The following C2CD3 variants were observed in gnomAD, a reference collection of about 807,000 sequenced individuals.
C2CD3 encodes the protein C2 domain containing 3 centriole elongation regulator.
A neutral mutation model predicts 234.0 loss-of-function variants in C2CD3; 148 were observed. The ratio of observed to expected loss-of-function variants is 0.63; its 90% CI spans 0.55 to 0.72. C2CD3 has a LOEUF of 0.72. Among genes scored for constraint, C2CD3 ranks in the 30% least tolerant of loss-of-function variants. The probability of loss-of-function intolerance (pLI) is 0.00; values close to 1 mark genes in which losing one functional copy is unlikely to be tolerated. For missense variants in C2CD3, 2,577 were observed against 2,811.5 expected, an observed-to-expected ratio of 0.92 and a Z score of 1.89; for synonymous variants, 1,000 against 1,035.4, an observed-to-expected ratio of 0.97 and a Z score of 0.66.
intron 19 of C2CD3, 46 bp from the exon 20 acceptor site, chr11:74,090,982 C>T (rs371416476): frequency 1.4e-5 from 23 of 1,603,592 alleles, no homozygotes; most frequent in African/African-American, 4.0e-5. Context: ...AGAAGAATCT[C>T]TGTTCCACCA....
At chr11:74,022,399 T>G (rs1012373515) in intron 32 of C2CD3, among the ~76,000 whole-genome samples, 3 of 151,552 alleles carry the variant, frequency 2.0e-5, no homozygotes, top group Admixed American at 2.0e-4. Flanking sequence ...TTGGACAGAG[T>G]GAATTGTTTG....
At position 74,139,649 on chromosome 11, in the gene C2CD3, A is replaced by G. The variant is rs767980892; in HGVS notation, c.663T>C (p.Asp221=). The stretch of plus-strand genomic sequence containing the variant: ...TGCTGTTGGCTGCTAACTCTTTTCC[A>G]TCAATTTTGATGGTATGTATGTCGC... ...RPRDIHTIKI[D]GKELAANSSR... Residue 221 remains aspartate (D), a synonymous_variant, in exon 4 of 33, where the codon GAT becomes GAC. Transcript: ENST00000334126. The G allele has an allele frequency of 1.9e-6, 3 of 1,613,802 alleles. No individual in the cohort carries two copies. The South Asian group carries it at 3.3e-5, about 18-fold the overall frequency.
chr11:74,150,546 T>G (rs199856269), intron 3 of C2CD3, among the ~76,000 whole-genome samples: 1 of 126,892 alleles, frequency 7.9e-6, no homozygotes, highest in Non-Finnish European at 1.6e-5. Flanking sequence ...TTTCTAAGCT[T>G]TTTAAAACAT....
At chr11:74,158,671 G>A (rs1394545992) in intron 3 of C2CD3, among the ~76,000 whole-genome samples, 8 of 151,420 alleles carry the variant, frequency 5.3e-5, no homozygotes, top group East Asian at 3.9e-4. Flanking sequence ...GTGGGGAGCC[G>A]AGATGGCGCC....
In C2CD3 at chr11:74,133,534, G is replaced by C; in HGVS notation, c.979C>G (p.Leu327Val). 1 of 1,614,084 alleles carries C rather than the reference G, an allele frequency of 6.2e-7. No individual in the cohort carries two copies. Among genetic ancestry groups the C allele is most frequent in the Non-Finnish European group, 8.5e-7 (1 of 1,179,984 alleles). Residue 327 changes from leucine to valine, a missense_variant, in exon 6 of 33, where the codon CTG (leucine) becomes GTG (valine). Transcript: ENST00000334126. ...LSALLEQGNKLRNAMVISAMK... is the reference protein window; with the variant it reads ...LSALLEQGNKVRNAMVISAMK... Reference sequence around the variant, plus strand: ...GCAGAAATCACCATGGCATTACGCAGTTTATTGCCTTGTTCTAACAGAGCT... The same window carrying C: ...GCAGAAATCACCATGGCATTACGCACTTTATTGCCTTGTTCTAACAGAGCT...
intron 3 of C2CD3, among the ~76,000 whole-genome samples, chr11:74,147,767 G>A: frequency 6.6e-6 from 1 of 152,146 alleles, no homozygotes; most frequent in East Asian, 1.9e-4. Context: ...TATTGGCAAG[G>A]AACTATCTGT....
intron 2 of C2CD3, among the ~76,000 whole-genome samples, chr11:74,166,766 G>A (rs1856841740): frequency 6.6e-6 from 1 of 152,040 alleles, no homozygotes; most frequent in Admixed American, 6.5e-5. Flanking sequence ...CTCTGTACAC[G>A]CTGCCTGAGT....
At chr11:74,032,571 T>C (rs1952566715) in intron 31 of C2CD3, among the ~76,000 whole-genome samples, 2 of 152,190 alleles carry the variant, frequency 1.3e-5, no homozygotes, top group African/African-American at 4.8e-5. Flanking sequence ...CACTTCCTTT[T>C]TTAAAAAAAT....
chr11:74,167,823 C>T (rs772122752), intron 2 of C2CD3, among the ~76,000 whole-genome samples: 2 of 152,348 alleles, frequency 1.3e-5, no homozygotes, highest in South Asian at 4.1e-4. Context: ...CATTTCTGAA[C>T]ATCTGTAATA....
intron 3 of C2CD3, among the ~76,000 whole-genome samples, chr11:74,155,139 T>C (rs1198805921): frequency 2.0e-5 from 3 of 152,212 alleles, no homozygotes; most frequent in Non-Finnish European, 4.4e-5. Context: ...TCTTTAATTA[T>C]AGCTTCTATT....
chr11:74,118,957 G>A (rs1957122802), intron 8 of C2CD3, among the ~76,000 whole-genome samples: 1 of 149,600 alleles, frequency 6.7e-6, no homozygotes, highest in South Asian at 2.1e-4. Context: ...GCCCAGACTG[G>A]AGTGCAGTGG....
At chr11:74,034,890 A>C (rs57102338) in intron 30 of C2CD3, among the ~76,000 whole-genome samples, 2,749 of 152,324 alleles carry the variant, frequency 0.018, 80 homozygotes, top group African/African-American at 0.063. Flanking sequence ...AGTGTAATCA[A>C]CACCACCCAC....
chr11:74,161,964 C>T (rs1590974247), intron 2 of C2CD3, among the ~76,000 whole-genome samples: 1 of 151,912 alleles, frequency 6.6e-6, no homozygotes, highest in African/African-American at 2.4e-5. Flanking sequence ...TAGAGGCACA[C>T]GCCACCACAC....
intron 31 of C2CD3, among the ~76,000 whole-genome samples, chr11:74,032,974 T>C (rs769760701): frequency 1.3e-5 from 2 of 152,048 alleles, no homozygotes; most frequent in South Asian, 2.1e-4. Flanking sequence ...AAAATGTACA[T>C]AAAGTGCTCA....
chr11:74,149,358 TA>T (rs11353762), intron 3 of C2CD3, among the ~76,000 whole-genome samples: 91,753 of 151,472 alleles, frequency 0.61, 29,857 homozygotes, highest in African/African-American at 0.87. Flanking sequence ...TTTGCTTAGT[TA>T]AAAAAAAAAT....
intron 8 of C2CD3, among the ~76,000 whole-genome samples, chr11:74,121,871 T>C (rs2135522692): frequency 6.6e-6 from 1 of 152,322 alleles, no homozygotes; most frequent in Non-Finnish European, 1.5e-5. Flanking sequence ...GTTCCTAATG[T>C]CTTTCCCGTC....
At chr11:74,053,263 C>T (rs1953779861) in intron 26 of C2CD3, among the ~76,000 whole-genome samples, 1 of 152,184 alleles carries the variant, frequency 6.6e-6, no homozygotes, top group Non-Finnish European at 1.5e-5. Context: ...TTGTAAAGTT[C>T]TTAGCACATT....
chr11:74,168,604 T>A lies in C2CD3; in HGVS notation c.65A>T (p.Asp22Val). 2 of 1,614,016 alleles carry A rather than the reference T, an allele frequency of 1.2e-6. No homozygotes were observed. The highest frequency in any genetic ancestry group is 1.7e-6 in the Non-Finnish European group (2 of 1,179,882). The change falls in exon 2 of 33, where the codon GAC (aspartate) becomes GTC (valine). Residue 22 changes from aspartate (D) to valine (V), a missense_variant. Asp to Val is a radical substitution (Grantham distance 152). Transcript: ENST00000334126. ...SRGRKKRGLS[D>V]ISPSTSLPPL... is the part of the protein sequence containing the mutation. The stretch of plus-strand genomic sequence containing the variant: ...TGGCAGGCTTGTAGATGGAGAAATG[T>A]CACTTAAACCTGTAGAGGAATCCAA...
chr11:74,025,970 G>A (rs940308837), intron 32 of C2CD3, among the ~76,000 whole-genome samples: 1 of 152,118 alleles, frequency 6.6e-6, no homozygotes, highest in African/African-American at 2.4e-5. Flanking sequence ...GAAATGCAAG[G>A]GAAAGCACAG....
Sources: gnomAD v4.1 joint callset for allele counts (sites outside exome capture counted in the v4.1 genomes callset) on GRCh38, gnomAD v4.1.1 for gene constraint, MANE v1.5 for transcripts, NCBI Gene and HGNC (gene_info 2026-07-23, HGNC 2026-07-21) for gene names.